The following GRHL2 variants were observed in gnomAD, a reference collection of about 807,000 sequenced individuals.
GRHL2 encodes the protein grainyhead like transcription factor 2, also known as grainyhead-like protein 2 homolog.
Under a neutral mutation model 83.8 loss-of-function variants are expected in GRHL2, and 21 were observed. That is an observed-to-expected ratio of 0.25 (90% CI 0.18 to 0.36). The LOEUF (loss-of-function observed/expected upper bound fraction) is 0.36. Ranked by LOEUF, GRHL2 falls within the 10% of genes least tolerant of loss-of-function variation. The pLI, the probability that GRHL2 is intolerant of heterozygous loss-of-function variation, is 1.00. For synonymous variants in GRHL2, 280 were observed against 278.9 expected (o/e 1.00, Z -0.04); for missense variants, 623 against 781.8 (o/e 0.80, Z 2.42).
rs539495597 is a variant in GRHL2 at position 101,558,154 on chromosome 8, C to T, written c.285-265C>T. ...TACTGGGATTACAGGCATGAGGCAC[C>T]GCGCCTGGCCTCGTTTTGTTTTTGT... On this transcript the variant is annotated intron_variant, in intron 3 of 15. Transcript: ENST00000646743. Among the ~76,000 whole-genome samples, 26 of 152,218 alleles carry T rather than the reference C, an allele frequency of 1.7e-4. No individual in the cohort carries two copies. In the South Asian group the frequency reaches 3.5e-3, roughly 21 times the overall value.
At position 101,599,129 on chromosome 8, in the gene GRHL2, G is replaced by A; in HGVS notation, c.1076G>A (p.Trp359Ter). The change falls in exon 8 of 16, where the codon TGG becomes TAG. Residue 359 changes from tryptophan to a stop codon, truncating the protein, a stop_gained. Coordinates refer to ENST00000646743, the MANE Select transcript of GRHL2 (RefSeq NM_024915.4). LOFTEE classifies it high-confidence loss of function. Reference protein sequence around the residue: ...EIAYNAVSFTWDVNEEAKIFI... With the variant: ...EIAYNAVSFT ...GCATATAATGCTGTTTCCTTTACCT[G>A]GGACGTGAATGAAGAGGCGAAGGTG... The A allele has an allele frequency of 6.2e-7, 1 of 1,611,512 alleles. No homozygotes were observed. Among genetic ancestry groups the A allele is most frequent in the Non-Finnish European group, 8.5e-7 (1 of 1,177,690 alleles).
intron 11 of GRHL2, among the ~76,000 whole-genome samples, chr8:101,634,162 T>C (rs1813239367): frequency 6.6e-6 from 1 of 152,138 alleles, no homozygotes; most frequent in Non-Finnish European, 1.5e-5. Flanking sequence ...TATATCCCCC[T>C]GTATATCTGG....
At chr8:101,572,636 G>A (rs1027455031) in intron 5 of GRHL2, among the ~76,000 whole-genome samples, 2 of 152,000 alleles carry the variant, frequency 1.3e-5, no homozygotes, top group African/African-American at 4.8e-5. Context: ...TGTGGTGTTT[G>A]TTATTGGATT....
At chr8:101,528,022 T>C (rs1810842738) in intron 1 of GRHL2, among the ~76,000 whole-genome samples, 1 of 152,240 alleles carries the variant, frequency 6.6e-6, no homozygotes. Flanking sequence ...CACTTTTTCA[T>C]TATTCTTTCC....
intron 2 of GRHL2, among the ~76,000 whole-genome samples, chr8:101,545,781 A>C (rs1811250364): frequency 6.6e-6 from 1 of 151,504 alleles, no homozygotes; most frequent in East Asian, 1.9e-4. Context: ...TCAAAACTTG[A>C]CAGTTGTATT....
At chr8:101,594,294 C>T (rs999535844) in intron 7 of GRHL2, among the ~76,000 whole-genome samples, 14 of 152,140 alleles carry the variant, frequency 9.2e-5, no homozygotes, top group Non-Finnish European at 1.9e-4. Flanking sequence ...TTAGTTATGA[C>T]AGCTCAAGGA....
At chr8:101,533,513 A>G (rs1407540753) in intron 1 of GRHL2, among the ~76,000 whole-genome samples, 1 of 152,220 alleles carries the variant, frequency 6.6e-6, no homozygotes, top group East Asian at 1.9e-4. Flanking sequence ...GCCCTGTGGA[A>G]CTTAGGTTCT....
chr8:101,676,872 T>C, the GRHL2 span, among the ~76,000 whole-genome samples: 1 of 152,250 alleles, frequency 6.6e-6, no homozygotes, highest in East Asian at 1.9e-4. Context: ...CATGGAATAC[T>C]ATGCAGCTAT....
chr8:101,678,510 C>G, the GRHL2 span, among the ~76,000 whole-genome samples: 197 of 152,258 alleles, frequency 1.3e-3, 1 homozygote, highest in African/African-American at 4.6e-3. Context: ...TGGGGAGGGG[C>G]GCCCGCCATT....
chr8:101,579,783 A>G (rs940489544), intron 7 of GRHL2, among the ~76,000 whole-genome samples: 2 of 152,172 alleles, frequency 1.3e-5, no homozygotes, highest in Non-Finnish European at 2.9e-5. Context: ...TGCCTGTTGC[A>G]CCGTCATCTG....
chr8:101,561,834 A>G (rs1045597387), intron 4 of GRHL2, among the ~76,000 whole-genome samples: 8 of 152,224 alleles, frequency 5.3e-5, no homozygotes, highest in African/African-American at 1.9e-4. Flanking sequence ...CTGAGATGCA[A>G]TCTAACATCT....
intron 8 of GRHL2, among the ~76,000 whole-genome samples, chr8:101,612,504 G>GATACATAC (rs1479599143): frequency 4.8e-5 from 6 of 125,844 alleles, no homozygotes; most frequent in East Asian, 4.4e-4. Flanking sequence ...TAGATAGATA[G>GATACATAC]ATAGATAGAT....
chr8:101,592,529 C>T (rs954920590), intron 7 of GRHL2, among the ~76,000 whole-genome samples: 1 of 152,172 alleles, frequency 6.6e-6, no homozygotes, highest in Non-Finnish European at 1.5e-5. Flanking sequence ...GTGTGGTCCC[C>T]AGACCAGCCA....
At chr8:101,528,452 GC>G (rs1810852068) in intron 1 of GRHL2, among the ~76,000 whole-genome samples, 1 of 149,964 alleles carries the variant, frequency 6.7e-6, no homozygotes, top group Non-Finnish European at 1.5e-5. Flanking sequence ...TAACTAACAA[GC>G]AAAAAATCAA....
chr8:101,643,847 G>A (rs183362539), intron 12 of GRHL2, among the ~76,000 whole-genome samples: 87 of 152,342 alleles, frequency 5.7e-4, no homozygotes, highest in African/African-American at 1.9e-3. Context: ...ATAGGTGTAG[G>A]ACGGAGTGGG....
chr8:101,586,472 C>G (rs190171226), intron 7 of GRHL2, among the ~76,000 whole-genome samples: 2 of 152,304 alleles, frequency 1.3e-5, no homozygotes, highest in East Asian at 3.9e-4. Context: ...AGACCTTGTT[C>G]CCTGTCCCCA....
At chr8:101,612,520 G>GATACATAC (rs58026460) in intron 8 of GRHL2, among the ~76,000 whole-genome samples, 19,528 of 123,406 alleles carry the variant, frequency 0.16, 1,942 homozygotes, top group Admixed American at 0.24. Context: ...TAGATAGATA[G>GATACATAC]ATACATACAT....
chr8:101,655,673 T>C (rs1813770205), intron 14 of GRHL2, among the ~76,000 whole-genome samples: 1 of 152,220 alleles, frequency 6.6e-6, no homozygotes, highest in South Asian at 2.1e-4. Flanking sequence ...TTGGAGAATA[T>C]AGACTATTTT....
intron 1 of GRHL2, among the ~76,000 whole-genome samples, chr8:101,532,516 C>T (rs1274997143): frequency 1.3e-5 from 2 of 152,038 alleles, no homozygotes; most frequent in Non-Finnish European, 2.9e-5. Flanking sequence ...CTTTAGGAGG[C>T]CAAGGTGGGC....
Sources: allele counts gnomAD v4.1 joint callset (sites outside exome capture counted in the v4.1 genomes callset), GRCh38; gene constraint gnomAD v4.1.1; transcripts MANE v1.5; gene names NCBI Gene and HGNC (gene_info 2026-07-23, HGNC 2026-07-21).